Variants in LARGE1 observed in about 807,000 individuals in gnomAD.
LARGE1 encodes LARGE xylosyl- and glucuronyltransferase 1, also known as xylosyl- and glucuronyltransferase LARGE1.
LARGE1 carries 43 observed loss-of-function variants against 87.6 expected under a neutral mutation model. The ratio of observed to expected loss-of-function variants is 0.49; its 90% CI spans 0.38 to 0.63. LARGE1 has a LOEUF of 0.63. Ranked by LOEUF, LARGE1 falls within the 30% of genes least tolerant of loss-of-function variation. The probability of loss-of-function intolerance (pLI) is 0.00; values close to 1 mark genes in which losing one functional copy is unlikely to be tolerated. For missense variants in LARGE1, 802 were observed against 1,000.2 expected (o/e 0.80, Z 2.67); for synonymous variants, 434 against 394.6 (o/e 1.10, Z -1.18).
At chr22:33,562,348 A>G (rs2077886585) in intron 6 of LARGE1, among the ~76,000 whole-genome samples, 1 of 152,188 alleles carries the variant, frequency 6.6e-6, no homozygotes. Flanking sequence ...ATAGATAAAA[A>G]CGCAATGCAC....
At chr22:33,434,666 T>G (rs189708501) in intron 6 of LARGE1, among the ~76,000 whole-genome samples, 19 of 152,344 alleles carry the variant, frequency 1.2e-4, no homozygotes, top group Admixed American at 1.2e-3. Context: ...TTCAGATATC[T>G]GAAAGGCCAA....
At chr22:33,727,334 A>G (rs79901281) in intron 2 of LARGE1, among the ~76,000 whole-genome samples, 2,605 of 152,266 alleles carry the variant, frequency 0.017, 75 homozygotes, top group African/African-American at 0.059. Flanking sequence ...TGATCCATTC[A>G]CCATCTGATT....
intron 1 of LARGE1, among the ~76,000 whole-genome samples, chr22:33,772,080 T>A (rs1288302617): frequency 6.6e-6 from 1 of 152,178 alleles, no homozygotes; most frequent in Non-Finnish European, 1.5e-5. Context: ...ACACCTGTAA[T>A]CCCAGCACTT....
intron 5 of LARGE1, among the ~76,000 whole-genome samples, chr22:33,572,561 A>G (rs1761028364): frequency 6.6e-6 from 1 of 152,236 alleles, no homozygotes; most frequent in Non-Finnish European, 1.5e-5. Flanking sequence ...CAAAGTGCCT[A>G]GCACAATGCT....
chr22:33,803,740 C>G (rs552216813), intron 1 of LARGE1, among the ~76,000 whole-genome samples: 1 of 152,222 alleles, frequency 6.6e-6, no homozygotes, highest in Non-Finnish European at 1.5e-5. Context: ...TGTGACCACA[C>G]GTGTGAAAAC....
intron 6 of LARGE1, among the ~76,000 whole-genome samples, chr22:33,526,941 G>A (rs1193866833): frequency 2.0e-5 from 3 of 152,160 alleles, no homozygotes; most frequent in Admixed American, 6.5e-5. Context: ...CAGCACCTGC[G>A]TTACCACGGG....
At chr22:33,345,057 C>G (rs1440994899) in intron 9 of LARGE1, among the ~76,000 whole-genome samples, 1 of 152,194 alleles carries the variant, frequency 6.6e-6, no homozygotes. Context: ...ACTTGTTCCA[C>G]TTTCTGAGGC....
chr22:33,425,967 C>G (rs570057582), intron 7 of LARGE1, among the ~76,000 whole-genome samples: 1 of 152,158 alleles, frequency 6.6e-6, no homozygotes, highest in Non-Finnish European at 1.5e-5. Flanking sequence ...AGGATGGTCT[C>G]GATTTCCTGA....
chr22:33,508,654 C>T (rs1425228738), intron 6 of LARGE1, among the ~76,000 whole-genome samples: 1 of 152,142 alleles, frequency 6.6e-6, no homozygotes, highest in Non-Finnish European at 1.5e-5. Context: ...CCATGACATC[C>T]TATCAGAATT....
intron 1 of LARGE1, among the ~76,000 whole-genome samples, chr22:33,818,437 G>A (rs906530406): frequency 5.9e-5 from 9 of 152,094 alleles, no homozygotes; most frequent in African/African-American, 1.7e-4. Context: ...GGGAAGGAAG[G>A]AAGAATAAGA....
intron 13 of LARGE1, among the ~76,000 whole-genome samples, chr22:33,282,360 A>AAAAC (rs58571083): frequency 0.062 from 8,374 of 134,748 alleles, 769 homozygotes; most frequent in African/African-American, 0.21. Context: ...ACAAACAAAC[A>AAAAC]AAACAAACAA....
rs570374407 is a variant in LARGE1 at position 33,858,901 on chromosome 22, T to A, written c.-83+61094A>T. On this transcript the variant is annotated intron_variant, in intron 1 of 14. Coordinates refer to ENST00000397394, the MANE Select transcript of LARGE1 (RefSeq NM_133642.5). ...TTCATGTCTTTTGCAGGGACATGGG[T>A]TAAGCTGGAAACCATCATTCTCAGC... 5.9e-4 allele frequency among the ~76,000 whole-genome samples: 90 copies of A among 152,160 alleles called. 2 individuals are homozygous for A. In the South Asian group the frequency reaches 0.018, roughly 30 times the overall value.
At chr22:33,212,334 C>T (rs1925004529) in intron 11 of LARGE1, among the ~76,000 whole-genome samples, 1 of 152,208 alleles carries the variant, frequency 6.6e-6, no homozygotes. Flanking sequence ...TATGCCATAT[C>T]TATTCTGTCT....
intron 9 of LARGE1, among the ~76,000 whole-genome samples, chr22:33,360,919 G>A (rs1364217120): frequency 3.3e-5 from 5 of 149,652 alleles, no homozygotes; most frequent in South Asian, 2.2e-4. Flanking sequence ...ATGTAATCCC[G>A]ATAAAACCCC....
chr22:33,474,659 G>C (rs1024949843), intron 6 of LARGE1, among the ~76,000 whole-genome samples: 2 of 152,102 alleles, frequency 1.3e-5, no homozygotes, highest in African/African-American at 4.8e-5. Context: ...TAAGTCATCC[G>C]GAGCCTCACC....
chr22:33,140,329 T>TG, the LARGE1 span, among the ~76,000 whole-genome samples: 3 of 141,736 alleles, frequency 2.1e-5, no homozygotes, highest in South Asian at 6.7e-4. Flanking sequence ...GTGGGTGCAG[T>TG]GGGGAGAAAA....
chr22:33,684,712 G>A (rs1156449966), intron 2 of LARGE1, among the ~76,000 whole-genome samples: 2 of 152,140 alleles, frequency 1.3e-5, no homozygotes, highest in African/African-American at 2.4e-5. Flanking sequence ...CTAAGAAGCT[G>A]AGAACTCATT....
chr22:33,174,012 C>T (rs954185183), intron 11 of LARGE1, among the ~76,000 whole-genome samples: 3 of 152,148 alleles, frequency 2.0e-5, no homozygotes, highest in Non-Finnish European at 4.4e-5. Flanking sequence ...CTAGACAACT[C>T]TCCACCCCAA....
At chr22:33,229,644 G>T (rs1300788674) in intron 11 of LARGE1, among the ~76,000 whole-genome samples, 3 of 151,980 alleles carry the variant, frequency 2.0e-5, no homozygotes, top group Non-Finnish European at 4.4e-5. Flanking sequence ...AACATAAGAA[G>T]GTGCAAGGAC....
Sources: gnomAD v4.1 joint callset for allele counts (sites outside exome capture counted in the v4.1 genomes callset) on GRCh38, gnomAD v4.1.1 for gene constraint, MANE v1.5 for transcripts, NCBI Gene and HGNC (gene_info 2026-07-23, HGNC 2026-07-21) for gene names.